SH3PXD2A: variants seen among roughly 807,000 people sequenced by gnomAD.
The protein encoded by SH3PXD2A is SH3 and PX domains 2A, also known as SH3 and PX domain-containing protein 2A.
A neutral mutation model predicts 115.2 loss-of-function variants in SH3PXD2A; 32 were observed. That is an observed-to-expected ratio of 0.28 (90% CI 0.21 to 0.37). The LOEUF is 0.37. Among genes scored for constraint, SH3PXD2A ranks in the 10% least tolerant of loss-of-function variants. SH3PXD2A has a pLI of 1.00. For synonymous variants in SH3PXD2A, 610 were observed against 629.1 expected, an observed-to-expected ratio of 0.97 and a Z score of 0.45; for missense variants, 1,328 against 1,498.7, an observed-to-expected ratio of 0.89 and a Z score of 1.88.
intron 11 of SH3PXD2A, among the ~76,000 whole-genome samples, chr10:103,613,646 A>T (rs962100539): frequency 1.3e-5 from 2 of 152,230 alleles, no homozygotes; most frequent in African/African-American, 2.4e-5. Context: ...TGACTCCAGA[A>T]GGTGAGAGTC....
At chr10:103,609,461 T>C (rs904425194) in intron 13 of SH3PXD2A, 1 of 152,220 alleles carries the variant, frequency 6.6e-6, no homozygotes, top group African/African-American at 2.4e-5. Flanking sequence ...GTAGAACTCA[T>C]TGGAGATCCT....
intron 1 of SH3PXD2A, among the ~76,000 whole-genome samples, chr10:103,820,791 G>T (rs2039372135): frequency 6.6e-6 from 1 of 152,194 alleles, no homozygotes; most frequent in Admixed American, 6.5e-5. Context: ...GGGCTCCAGA[G>T]GGTGGCTAGG....
intron 1 of SH3PXD2A, 88 bp downstream of exon 1, chr10:103,855,107 C>A: frequency 2.3e-6 from 2 of 886,572 alleles, no homozygotes; most frequent in Non-Finnish European, 3.3e-6. Flanking sequence ...AGCTTCGCGA[C>A]CTCACAGCTG....
At chr10:103,796,232 A>T (rs111823934) in intron 2 of SH3PXD2A, among the ~76,000 whole-genome samples, 1,829 of 152,082 alleles carry the variant, frequency 0.012, 38 homozygotes, top group African/African-American at 0.041. Flanking sequence ...TCATAGTGGC[A>T]TGCATCTGTG....
At chr10:103,749,810 A>G (rs896031331) in intron 3 of SH3PXD2A, 14 of 152,212 alleles carry the variant, frequency 9.2e-5, no homozygotes, top group African/African-American at 3.4e-4. Flanking sequence ...GCCAGCTTCC[A>G]TGTTGTAAGG....
intron 1 of SH3PXD2A, among the ~76,000 whole-genome samples, chr10:103,833,717 G>A (rs145132057): frequency 2.4e-3 from 365 of 152,258 alleles, no homozygotes; most frequent in African/African-American, 8.4e-3. Flanking sequence ...CACTGGTTTT[G>A]CACTGGATCT....
At chr10:103,613,578 A>T (rs1592262817) in intron 11 of SH3PXD2A, among the ~76,000 whole-genome samples, 1 of 152,292 alleles carries the variant, frequency 6.6e-6, no homozygotes, top group Non-Finnish European at 1.5e-5. Flanking sequence ...GAAGGTGTGG[A>T]TGTGGTATGT....
chr10:103,806,209 T>A (rs958692008), intron 1 of SH3PXD2A, among the ~76,000 whole-genome samples: 1 of 151,954 alleles, frequency 6.6e-6, no homozygotes, highest in Admixed American at 6.6e-5. Flanking sequence ...CCCCCCAGCC[T>A]ACCCCCCTGG....
At chr10:103,712,894 G>C (rs1348834177) in intron 5 of SH3PXD2A, among the ~76,000 whole-genome samples, 1 of 152,342 alleles carries the variant, frequency 6.6e-6, no homozygotes, top group East Asian at 1.9e-4. Context: ...AATGGCATGA[G>C]TCCAGCCTCT....
intron 1 of SH3PXD2A, among the ~76,000 whole-genome samples, chr10:103,840,583 G>C (rs1047629960): frequency 6.6e-6 from 1 of 152,210 alleles, no homozygotes; most frequent in Non-Finnish European, 1.5e-5. Context: ...GCTGGCTGGC[G>C]GGATTCCCGG....
In SH3PXD2A at chr10:103,602,958, G is replaced by A. The variant is rs2036241626; in HGVS notation, c.2260C>T (p.Pro754Ser). ...AGGAATGGCTTGGGCCGGACCGATG[G>A]CTTGGCCCGGGGACAGGAGGTCAGC... ...AGLTSCPRAK[P>S]SVRPKPFLNR... Residue 754 changes from proline to serine, a missense_variant, in exon 15 of 15, where the codon CCA becomes TCA. By Grantham distance (74) the Pro-to-Ser change is moderately conservative (BLOSUM62 -1). This residue lies in a region of SH3PXD2A where 574 missense variants were observed against 565.7 expected (regional missense o/e 1.01). Coordinates refer to ENST00000369774, the MANE Select transcript of SH3PXD2A (RefSeq NM_001394015.1). 1 of 1,614,220 alleles carries A rather than the reference G, an allele frequency of 6.2e-7. No homozygotes were observed. Among genetic ancestry groups the A allele is most frequent in the African/African-American group, 1.3e-5 (1 of 75,064 alleles).
intron 1 of SH3PXD2A, among the ~76,000 whole-genome samples, chr10:103,819,326 G>C (rs2039354508): frequency 6.6e-6 from 1 of 152,188 alleles, no homozygotes; most frequent in Non-Finnish European, 1.5e-5. Context: ...GGTGATGCCA[G>C]AGTGACAGAT....
At chr10:103,842,223 C>T (rs1481715322) in intron 1 of SH3PXD2A, among the ~76,000 whole-genome samples, 1 of 144,092 alleles carries the variant, frequency 6.9e-6, no homozygotes, top group Non-Finnish European at 1.5e-5. Context: ...CAACCCCCAT[C>T]TCATACACTA....
At chr10:103,851,930 A>G (rs1842900763) in intron 1 of SH3PXD2A, among the ~76,000 whole-genome samples, 1 of 152,238 alleles carries the variant, frequency 6.6e-6, no homozygotes, top group African/African-American at 2.4e-5. Context: ...TACCACATGA[A>G]TTGATATATA....
At chr10:103,798,206 G>T (rs1206505729) in intron 2 of SH3PXD2A, among the ~76,000 whole-genome samples, 1 of 152,174 alleles carries the variant, frequency 6.6e-6, no homozygotes, top group African/African-American at 2.4e-5. Flanking sequence ...GGGGTCAAAG[G>T]GGTGTCCAGG....
At chr10:103,776,436 CTGTGTGTGTGTGTGTG>C (rs34034863) in intron 2 of SH3PXD2A, among the ~76,000 whole-genome samples, 1 of 125,042 alleles carries the variant, frequency 8.0e-6, no homozygotes, top group Non-Finnish European at 1.7e-5. Flanking sequence ...GTGTGTGTGT[CTGTGTGTGTGTGTGTG>C]TGTGTGTGTG....
intron 5 of SH3PXD2A, among the ~76,000 whole-genome samples, chr10:103,710,922 G>A (rs779097452): frequency 2.0e-5 from 3 of 151,952 alleles, no homozygotes; most frequent in South Asian, 2.1e-4. Context: ...AGTAGTCCTA[G>A]TTACTCGGGA....
intron 8 of SH3PXD2A, among the ~76,000 whole-genome samples, chr10:103,638,318 A>G (rs1347184616): frequency 6.6e-6 from 1 of 152,190 alleles, no homozygotes; most frequent in Non-Finnish European, 1.5e-5. Context: ...GTCCGTGTCA[A>G]GACAGCCTGG....
chr10:103,605,758 C>T, intron 14 of SH3PXD2A, 40 bp downstream of exon 14: 1 of 1,613,076 alleles, frequency 6.2e-7, no homozygotes, highest in Non-Finnish European at 8.5e-7. Flanking sequence ...TTTTCCACCA[C>T]AATGAGTTAA....
Sources: gnomAD v4.1 joint callset for allele counts (sites outside exome capture counted in the v4.1 genomes callset) on GRCh38, gnomAD v4.1.1 for gene constraint, gnomAD v4.1.1 regional missense constraint, MANE v1.5 for transcripts, NCBI Gene and HGNC (gene_info 2026-07-23, HGNC 2026-07-21) for gene names.